The following TBC1D22B variants were observed in gnomAD, a reference collection of about 807,000 sequenced individuals.
TBC1D22B encodes the protein TBC1 domain family member 22B.
TBC1D22B carries 32 observed loss-of-function variants against 69.1 expected under a neutral mutation model. The observed-to-expected ratio is 0.46, with a 90% CI of 0.35 to 0.62. The LOEUF is 0.62. TBC1D22B is among the 20% of genes least tolerant of loss of function. TBC1D22B has a pLI of 0.00. For missense variants in TBC1D22B, 462 were observed against 630.9 expected (o/e 0.73, Z 2.87); for synonymous variants, 206 against 229.8 (o/e 0.90, Z 0.94).
intron 1 of TBC1D22B, among the ~76,000 whole-genome samples, chr6:37,262,016 G>GA (rs34575719): frequency 0.64 from 54,503 of 84,564 alleles, 20,383 homozygotes; most frequent in East Asian, 0.87. Flanking sequence ...GGGCACAGGA[G>GA]AAAAAAAAAA....
At chr6:37,262,007 G>T (rs1766117553) in intron 1 of TBC1D22B, among the ~76,000 whole-genome samples, 1 of 138,330 alleles carries the variant, frequency 7.2e-6, no homozygotes, top group South Asian at 2.3e-4. Context: ...CTAGAGCTCG[G>T]GCACAGGAGA....
In TBC1D22B at chr6:37,284,264, T is replaced by A. The variant is rs1257504716; in HGVS notation, c.673-72T>A. 1.9e-6 allele frequency: 3 copies of A among 1,607,924 alleles called. No individual in the cohort carries two copies. The East Asian group carries it at 6.7e-5, about 36-fold the overall frequency. On this transcript the variant is annotated intron_variant, in intron 5 of 12. Transcript: ENST00000373491. The stretch of plus-strand genomic sequence containing the variant: ...TCTTGGTAGTTTCCAAACCACTGCA[T>A]AGATTAAAATAAAAATTAAGGATTT...
intron 10 of TBC1D22B, 53 bp downstream of exon 10, chr6:37,313,944 T>G: frequency 6.4e-7 from 1 of 1,557,496 alleles, no homozygotes; most frequent in Non-Finnish European, 8.9e-7. Context: ...GATTCTGTTA[T>G]GAGGCGGTTG....
intron 9 of TBC1D22B, 121 bp from the exon 10 acceptor site, chr6:37,313,695 G>A (rs1310880644): frequency 3.3e-6 from 3 of 895,772 alleles, no homozygotes; most frequent in Non-Finnish European, 5.6e-6. Context: ...CCAGAACACT[G>A]TCACTGGCCA....
chr6:37,257,992 G>A lies in TBC1D22B; in HGVS notation c.56+19G>A, dbSNP rs1765874327. ...CGGGGAGGTGAGCCCAGGACGCTGA[G>A]AGGGATAGGGGATTGGACCAAACCC... is the stretch of plus-strand genomic sequence containing the variant. On this transcript the variant is annotated intron_variant, in intron 1 of 12. Coordinates refer to ENST00000373491, the MANE Select transcript of TBC1D22B (RefSeq NM_017772.4). The A allele has an allele frequency of 1.2e-6, 2 of 1,613,612 alleles. No homozygotes were observed. The highest frequency in any genetic ancestry group is 1.3e-5 in the African/African-American group (1 of 75,058).
At chr6:37,285,088 G>A (rs1766961134) in intron 6 of TBC1D22B, among the ~76,000 whole-genome samples, 2 of 152,124 alleles carry the variant, frequency 1.3e-5, no homozygotes, top group Admixed American at 6.5e-5. Context: ...GGGAGGAGAA[G>A]AGTAGGCCAG....
rs1345318293 is a variant in TBC1D22B at position 37,283,760 on chromosome 6, T to C, written c.673-576T>C. On this transcript the variant is annotated intron_variant, in intron 5 of 12. Coordinates refer to ENST00000373491, the MANE Select transcript of TBC1D22B (RefSeq NM_017772.4). ...TCTAGACCAGGGATAAGAATGAAAG[T>C]TGGCCTGGAGCTTTGGCTAGGCCGG... Among the ~76,000 whole-genome samples the C allele has an allele frequency of 2.0e-5, 3 of 152,316 alleles. No homozygotes were observed. In the East Asian group the frequency reaches 5.8e-4, roughly 29 times the overall value.
In TBC1D22B at chr6:37,267,852, G is replaced by A. The variant is rs1007431474; in HGVS notation, c.57-1742G>A. Among the ~76,000 whole-genome samples the A allele has an allele frequency of 2.0e-5, 3 of 152,250 alleles. 1 individual carries two copies. In the South Asian group the frequency reaches 6.2e-4, roughly 32 times the overall value. On this transcript the variant is annotated intron_variant, in intron 1 of 12. Transcript: ENST00000373491. ...TTAATGTTAAACAGGTAGTGACATA[G>A]ATTTGCAAATTGAGCTATCTGCTTT...
intron 8 of TBC1D22B, among the ~76,000 whole-genome samples, chr6:37,295,945 T>C (rs1280198487): frequency 6.6e-6 from 1 of 152,230 alleles, no homozygotes; most frequent in African/African-American, 2.4e-5. Context: ...TTCATTACTG[T>C]CTTGTTTAAG....
Position 37,313,823 on chromosome 6 carries a change from A to G in TBC1D22B, c.1097A>G (p.Tyr366Cys), listed in dbSNP as rs1562064318. The G allele has an allele frequency of 6.2e-7, 1 of 1,614,032 alleles. No individual in the cohort carries two copies. Among genetic ancestry groups the G allele is most frequent in the Non-Finnish European group, 8.5e-7 (1 of 1,180,002 alleles). The change falls in exon 10 of 13, where the codon TAC becomes TGC. Residue 366 changes from tyrosine (Y) to cysteine (C), a missense_variant. Coordinates refer to ENST00000373491, the MANE Select transcript of TBC1D22B (RefSeq NM_017772.4). Reference sequence around the variant, plus strand: ...GCTCTGTGTCATTTGCAGGATAACTACACCTTTGCACAACCAGGAATCCAG... The same window carrying G: ...GCTCTGTGTCATTTGCAGGATAACTGCACCTTTGCACAACCAGGAATCCAG... ...SKLLDGIQDN[Y>C]TFAQPGIQKK...
At chr6:37,285,886 T>C (rs1402232198) in intron 6 of TBC1D22B, among the ~76,000 whole-genome samples, 2 of 152,202 alleles carry the variant, frequency 1.3e-5, no homozygotes, top group African/African-American at 4.8e-5. Flanking sequence ...CCTCCCAAAG[T>C]GCTGGGATCA....
At chr6:37,288,499 C>T (rs1208060328) in intron 7 of TBC1D22B, among the ~76,000 whole-genome samples, 3 of 152,154 alleles carry the variant, frequency 2.0e-5, no homozygotes, top group Admixed American at 6.5e-5. Flanking sequence ...ATTGCTTGAG[C>T]CCACGAGTTT....
In TBC1D22B at chr6:37,331,155, A is replaced by G. The variant is rs772822600; in HGVS notation, c.1501A>G (p.Asn501Asp). 1.2e-6 allele frequency: 2 copies of G among 1,613,718 alleles called. No homozygotes were observed. The highest frequency in any genetic ancestry group is 1.7e-6 in the Non-Finnish European group (2 of 1,179,616). Residue 501 changes from asparagine to aspartate, a missense_variant, in exon 13 of 13, where the codon AAT becomes GAT. This residue lies in a region of TBC1D22B where 225 missense variants were observed against 375.4 expected (regional missense o/e 0.60). Coordinates refer to ENST00000373491, the MANE Select transcript of TBC1D22B (RefSeq NM_017772.4). ...CAAGTACATGTTTGCCGATGCCCCAAATCACTACCGCCGATAGGTGCTGTC... is the reference window on the plus strand; with the variant it reads ...CAAGTACATGTTTGCCGATGCCCCAGATCACTACCGCCGATAGGTGCTGTC... ...RLKYMFADAP[N>D]HYRR
chr6:37,331,100 T>C lies in TBC1D22B; in HGVS notation c.1446T>C (p.Ile482=). The change falls in exon 13 of 13, where the codon ATT becomes ATC. Residue 482 remains isoleucine (I), a synonymous_variant. Coordinates refer to ENST00000373491, the MANE Select transcript of TBC1D22B (RefSeq NM_017772.4). ...CAATACACTGGGGCAACGAAGAAAT[T>C]GGGCTGCTTCTCGCCGAGGCATACA... ...LPTIHWGNEE[I]GLLLAEAYRL... is the part of the protein sequence containing the mutation. The C allele has an allele frequency of 1.2e-6, 2 of 1,614,102 alleles. No individual in the cohort carries two copies. The highest frequency in any genetic ancestry group is 1.7e-6 in the Non-Finnish European group (2 of 1,180,008).
At chr6:37,303,644 A>G (rs532639036) in intron 8 of TBC1D22B, among the ~76,000 whole-genome samples, 5 of 152,186 alleles carry the variant, frequency 3.3e-5, no homozygotes, top group Admixed American at 2.0e-4. Flanking sequence ...CAGGTTTTCT[A>G]ACTTGGCATG....
At chr6:37,321,301 G>GGCC (rs1341616714) in intron 12 of TBC1D22B, among the ~76,000 whole-genome samples, 4 of 151,964 alleles carry the variant, frequency 2.6e-5, no homozygotes, top group African/African-American at 9.7e-5. Flanking sequence ...GTCAGTCCCA[G>GGCC]GCCTGCCAGA....
intron 9 of TBC1D22B, 59 bp from the exon 10 acceptor site, chr6:37,313,757 T>G: frequency 2.0e-6 from 3 of 1,498,012 alleles, no homozygotes; most frequent in South Asian, 2.3e-5. Context: ...TTTCAGTGAA[T>G]GTCAGGTGAT....
At chr6:37,330,732 G>T (rs570116222) in intron 12 of TBC1D22B, among the ~76,000 whole-genome samples, 15 of 152,206 alleles carry the variant, frequency 9.9e-5, no homozygotes, top group Non-Finnish European at 1.8e-4. Flanking sequence ...AAGATTAAGA[G>T]AGGTATATTT....
intron 12 of TBC1D22B, among the ~76,000 whole-genome samples, chr6:37,330,672 A>C (rs1768558097): frequency 6.6e-6 from 1 of 152,222 alleles, no homozygotes; most frequent in Non-Finnish European, 1.5e-5. Context: ...TATTGTTACA[A>C]CTATTTAAAG....
Sources: gnomAD v4.1 joint callset for allele counts (sites outside exome capture counted in the v4.1 genomes callset) on GRCh38, gnomAD v4.1.1 for gene constraint, gnomAD v4.1.1 regional missense constraint, MANE v1.5 for transcripts, NCBI Gene and HGNC (gene_info 2026-07-23, HGNC 2026-07-21) for gene names.